THNSL2: variants seen among roughly 807,000 people sequenced by gnomAD.
THNSL2 encodes threonine synthase-like 2.
Under a neutral mutation model 40.0 loss-of-function variants are expected in THNSL2, and 34 were observed. That is an observed-to-expected ratio of 0.85 (90% CI 0.65 to 1.13). The LOEUF (loss-of-function observed/expected upper bound fraction) is 1.13. Ranked by LOEUF, THNSL2 falls within the 50% of genes most tolerant of loss-of-function variation. The pLI is 0.00. For missense variants in THNSL2, 537 were observed against 608.8 expected (o/e 0.88, Z 1.24); for synonymous variants, 241 against 247.5 (o/e 0.97, Z 0.25).
intron 5 of THNSL2, among the ~76,000 whole-genome samples, chr2:88,180,869 G>A (rs1200523872): frequency 1.3e-5 from 2 of 152,142 alleles, no homozygotes; most frequent in African/African-American, 4.8e-5. Context: ...TGAGTCGAGG[G>A]AGGGCATGTG....
chr2:88,174,653 G>T lies in THNSL2; in HGVS notation c.238G>T (p.Ala80Ser). The T allele has an allele frequency of 6.2e-7, 1 of 1,614,110 alleles. No individual in the cohort carries two copies. Among genetic ancestry groups the T allele is most frequent in the Non-Finnish European group, 8.5e-7 (1 of 1,179,988 alleles). Residue 80 changes from alanine (A) to serine (S), a missense_variant, in exon 3 of 9, where the codon GCC becomes TCC. Ala to Ser is a moderately conservative substitution (Grantham distance 99). Transcript: ENST00000674334. ...TACCCTCACAGATCTGATCGACCGAGCCTTCAGCAGATTCCGTCACAGAGA... is the reference window on the plus strand; with the variant it reads ...TACCCTCACAGATCTGATCGACCGATCCTTCAGCAGATTCCGTCACAGAGA... ...KDELNDLIDR[A>S]FSRFRHREVV...
intron 1 of THNSL2, chr2:88,171,376 G>A (rs1558880681): frequency 8.8e-6 from 4 of 454,136 alleles, no homozygotes; most frequent in African/African-American, 2.0e-5. Flanking sequence ...TCTGTCCTCT[G>A]TTCCTGGACA....
chr2:88,175,069 C>G (rs1329779984), intron 3 of THNSL2, among the ~76,000 whole-genome samples, 180 bp from the exon 4 acceptor site: 1 of 152,206 alleles, frequency 6.6e-6, no homozygotes, highest in African/African-American at 2.4e-5. Flanking sequence ...TTCACAAGTT[C>G]ACTTATGTCC....
intron 4 of THNSL2, 84 bp from the exon 5 acceptor site, chr2:88,178,699 G>A: frequency 2.7e-6 from 4 of 1,468,960 alleles, no homozygotes; most frequent in Non-Finnish European, 3.8e-6. Flanking sequence ...GCTCAGCCTG[G>A]GAGGGCCCTG....
chr2:88,185,762 G>T (rs369353188), intron 8 of THNSL2, 136 bp from the exon 9 acceptor site: 79 of 1,543,874 alleles, frequency 5.1e-5, no homozygotes, highest in Middle Eastern at 4.1e-4. Context: ...GGTGCCAATT[G>T]TCTGTCTGTG....
chr2:88,185,533 CTCT>C, intron 8 of THNSL2, 54 bp downstream of exon 8: 5 of 1,559,454 alleles, frequency 3.2e-6, no homozygotes, highest in African/African-American at 2.7e-5. Flanking sequence ...TTCAGGGGCC[CTCT>C]TCTTCTCCAA....
chr2:88,174,259 A>G (rs1169969761), intron 2 of THNSL2, among the ~76,000 whole-genome samples: 1 of 152,196 alleles, frequency 6.6e-6, no homozygotes, highest in East Asian at 1.9e-4. Flanking sequence ...AGAAACAAAA[A>G]GCTTCCTATC....
chr2:88,185,426 C>G lies in THNSL2; in HGVS notation c.1176C>G (p.His392Gln), dbSNP rs760818627. ...AGAACCAGTACTTGCTGTGCCCCCA[C>G]TCAGCGGTGGCCGTGAACTACCATT... is the stretch of plus-strand genomic sequence containing the variant. The part of the protein sequence containing the change: ...WDENQYLLCP[H>Q]SAVAVNYHYQ... The change falls in exon 8 of 9, where the codon CAC becomes CAG. Residue 392 changes from histidine (H) to glutamine (Q), a missense_variant. Coordinates refer to ENST00000674334, the MANE Select transcript of THNSL2 (RefSeq NM_018271.5). 6.2e-7 allele frequency: 1 copy of G among 1,614,044 alleles called. No individual in the cohort carries two copies. Among genetic ancestry groups the G allele is most frequent in the Non-Finnish European group, 8.5e-7 (1 of 1,179,994 alleles).
chr2:88,175,136 A>G, intron 3 of THNSL2, 113 bp from the exon 4 acceptor site: 1 of 1,201,056 alleles, frequency 8.3e-7, no homozygotes. Flanking sequence ...CATATCATCC[A>G]AGTATTTGAA....
chr2:88,184,437 G>A (rs1409937127), intron 7 of THNSL2, among the ~76,000 whole-genome samples: 1 of 152,092 alleles, frequency 6.6e-6, no homozygotes, highest in Non-Finnish European at 1.5e-5. Context: ...TTGTCTGCTG[G>A]GAACCCTAAT....
chr2:88,183,079 T>G lies in THNSL2; in HGVS notation c.1077+6T>G. ...CCAAGGAACTGCACAGCAAGGTCAG[T>G]CACTACCCACACACCACAGAGAAAG... On this transcript the variant is annotated splice_donor_region_variant and intron_variant, in intron 7 of 8. Transcript: ENST00000674334. The G allele has an allele frequency of 1.2e-6, 2 of 1,611,436 alleles. No individual in the cohort carries two copies. The highest frequency in any genetic ancestry group is 1.7e-6 in the Non-Finnish European group (2 of 1,178,974).
chr2:88,174,800 G>T lies in THNSL2; in HGVS notation c.385G>T (p.Glu129Ter). Residue 129 changes from glutamate to a stop codon, truncating the protein, a stop_gained, in exon 3 of 9, where the codon GAG becomes TAG. Transcript: ENST00000674334. LOFTEE classifies it high-confidence loss of function. Reference sequence around the variant, plus strand: ...AACACAGTTCCTGCAGTACTTCCTGGAGAAGAGGGAGAAGCACGTCACTGT... The same window carrying T: ...AACACAGTTCCTGCAGTACTTCCTGTAGAAGAGGGAGAAGCACGTCACTGT... ...CTTQFLQYFLEKREKHVTVVV... is the reference protein window; with the variant it reads ...CTTQFLQYFL 1 of 1,614,190 alleles carries T rather than the reference G, an allele frequency of 6.2e-7. No individual in the cohort carries two copies. Among genetic ancestry groups the T allele is most frequent in the Non-Finnish European group, 8.5e-7 (1 of 1,180,018 alleles).
intron 5 of THNSL2, among the ~76,000 whole-genome samples, chr2:88,180,083 A>T (rs1445637115): frequency 6.6e-6 from 1 of 152,210 alleles, no homozygotes; most frequent in East Asian, 1.9e-4. Context: ...GATAAAGCCT[A>T]CCATGCTCCC....
chr2:88,185,835 C>T (rs1178674935), intron 8 of THNSL2, 63 bp from the exon 9 acceptor site: 1 of 1,544,846 alleles, frequency 6.5e-7, no homozygotes, highest in Non-Finnish European at 8.8e-7. Context: ...CCTCCACCTT[C>T]TCCTTTCCCA....
At chr2:88,182,908 G>T (rs769431466) in intron 6 of THNSL2, 40 bp from the exon 7 acceptor site, 1 of 1,612,932 alleles carries the variant, frequency 6.2e-7, no homozygotes, top group South Asian at 1.1e-5. Context: ...GCTCGATGGG[G>T]CTGAGATCAG....
rs1177960142 is a variant in THNSL2, at chr2:88,174,626, A to C, written c.224-13A>C. On this transcript the variant is annotated splice_polypyrimidine_tract_variant and intron_variant, in intron 2 of 8. Transcript: ENST00000674334. ...AGGCCCCTCATTGGCTATCCACCCC[A>C]CTACCCTCACAGATCTGATCGACCG... 6.2e-7 allele frequency: 1 copy of C among 1,612,564 alleles called. No individual in the cohort carries two copies. The highest frequency in any genetic ancestry group is 2.2e-5 in the East Asian group (1 of 44,848).
Position 88,179,019 on chromosome 2 carries a change from G to A in THNSL2, c.802+6G>A. 1 of 1,614,036 alleles carries A rather than the reference G, an allele frequency of 6.2e-7. No homozygotes were observed. On this transcript the variant is annotated splice_donor_region_variant and intron_variant, in intron 5 of 8. Coordinates refer to ENST00000674334, the MANE Select transcript of THNSL2 (RefSeq NM_018271.5). ...GGCTGCCGGTAACCTTGCAGGTAAG[G>A]AATCCCCGGGGCACAAATGGGCTTT...
At chr2:88,173,903 A>C (rs1026875864) in intron 2 of THNSL2, among the ~76,000 whole-genome samples, 2 of 152,224 alleles carry the variant, frequency 1.3e-5, no homozygotes, top group Non-Finnish European at 2.9e-5. Flanking sequence ...CATTTCTGTC[A>C]GATGTCCAGA....
In THNSL2 at chr2:88,185,878, A is replaced by G. The variant is rs754920074; in HGVS notation, c.1230-20A>G. 1.9e-6 allele frequency: 3 copies of G among 1,579,808 alleles called. No homozygotes were observed. Among genetic ancestry groups the G allele is most frequent in the Admixed American group, 1.8e-5 (1 of 55,144 alleles). The stretch of plus-strand genomic sequence containing the variant: ...ATTCTCTCATTGTCCTCCGGGTGCC[A>G]CCTGCCCCCATCCCCACAGCACTCC... On this transcript the variant is annotated intron_variant, in intron 8 of 8. Transcript: ENST00000674334.
Sources: allele counts gnomAD v4.1 joint callset (sites outside exome capture counted in the v4.1 genomes callset), GRCh38; gene constraint gnomAD v4.1.1; transcripts MANE v1.5; gene names NCBI Gene and HGNC (gene_info 2026-07-23, HGNC 2026-07-21).